SGCZ: variants seen among roughly 807,000 people sequenced by gnomAD.
SGCZ encodes the protein zeta-sarcoglycan.
SGCZ carries 40 observed loss-of-function variants against 41.3 expected under a neutral mutation model. That is an observed-to-expected ratio of 0.97 (90% confidence interval 0.75 to 1.26). The LOEUF is 1.26. SGCZ is among the 50% of genes most tolerant of loss of function. The pLI is 0.00. For synonymous variants in SGCZ, 206 were observed against 137.5 expected (o/e 1.50, Z -3.49); for missense variants, 552 against 369.8 (o/e 1.49, Z -4.04).
At chr8:15,151,408 T>A (rs1799177260) in intron 1 of SGCZ, among the ~76,000 whole-genome samples, 1 of 152,236 alleles carries the variant, frequency 6.6e-6, no homozygotes, top group Non-Finnish European at 1.5e-5. Context: ...ACATAATCCC[T>A]TATTGAAATA....
intron 1 of SGCZ, among the ~76,000 whole-genome samples, chr8:14,697,678 C>A (rs1809009259): frequency 6.6e-6 from 1 of 151,988 alleles, no homozygotes; most frequent in African/African-American, 2.4e-5. Context: ...TCCTCACCTT[C>A]TCATTGCCAA....
chr8:14,951,366 T>C (rs1029093627), intron 1 of SGCZ, among the ~76,000 whole-genome samples: 5 of 152,024 alleles, frequency 3.3e-5, no homozygotes, highest in Admixed American at 1.3e-4. Flanking sequence ...AATAACTGAA[T>C]TTAAATCACT....
At chr8:14,608,441 G>A (rs1431075229) in intron 1 of SGCZ, among the ~76,000 whole-genome samples, 2 of 149,710 alleles carry the variant, frequency 1.3e-5, no homozygotes, top group African/African-American at 4.9e-5. Flanking sequence ...ATGGCAAAGG[G>A]GCGGGGAGGC....
intron 1 of SGCZ, among the ~76,000 whole-genome samples, chr8:14,772,281 T>G (rs1023802134): frequency 6.6e-6 from 1 of 152,162 alleles, no homozygotes; most frequent in African/African-American, 2.4e-5. Context: ...TTTCAACTCA[T>G]AATGGGTTTA....
chr8:14,720,365 A>C (rs1251206888), intron 1 of SGCZ, among the ~76,000 whole-genome samples: 8 of 152,248 alleles, frequency 5.3e-5, no homozygotes, highest in Middle Eastern at 3.4e-3. Flanking sequence ...TTTAAAAACA[A>C]TAATGATAGA....
chr8:14,741,289 T>C (rs960468228), intron 1 of SGCZ, among the ~76,000 whole-genome samples: 16 of 152,044 alleles, frequency 1.1e-4, no homozygotes, highest in African/African-American at 3.4e-4. Context: ...TCTACAAAAA[T>C]TAAGCCCATC....
chr8:15,080,530 C>G (rs914589328), intron 1 of SGCZ, among the ~76,000 whole-genome samples: 3 of 152,038 alleles, frequency 2.0e-5, no homozygotes, highest in African/African-American at 7.2e-5. Flanking sequence ...GGAGATGGAG[C>G]CTTTAAAGAG....
At chr8:14,280,127 A>C (rs2117286514) in intron 3 of SGCZ, among the ~76,000 whole-genome samples, 1 of 152,124 alleles carries the variant, frequency 6.6e-6, no homozygotes, top group South Asian at 2.1e-4. Context: ...CTTTTACAGT[A>C]TAAGCAGAAA....
At chr8:15,181,008 C>T (rs1004602084) in intron 1 of SGCZ, among the ~76,000 whole-genome samples, 1 of 152,030 alleles carries the variant, frequency 6.6e-6, no homozygotes, top group African/African-American at 2.4e-5. Flanking sequence ...TACATTCATA[C>T]ACATACAAAC....
At chr8:14,697,806 C>A (rs915751080) in intron 1 of SGCZ, among the ~76,000 whole-genome samples, 8 of 151,936 alleles carry the variant, frequency 5.3e-5, no homozygotes, top group African/African-American at 1.4e-4. Flanking sequence ...ATATTGAACA[C>A]AACAGTCCAG....
At chr8:14,247,539 A>G (rs1185825592) in intron 3 of SGCZ, among the ~76,000 whole-genome samples, 2 of 152,208 alleles carry the variant, frequency 1.3e-5, no homozygotes, top group Non-Finnish European at 2.9e-5. Flanking sequence ...CTAAAAGGGA[A>G]TAGTACTATC....
chr8:14,560,905 C>G (rs1804188778), intron 1 of SGCZ, among the ~76,000 whole-genome samples: 2 of 151,988 alleles, frequency 1.3e-5, no homozygotes, highest in African/African-American at 4.8e-5. Context: ...CTATGTTTAT[C>G]TCCTCAAGAA....
chr8:14,428,101 TACACACACACACACAC>T (rs200114899), intron 2 of SGCZ, among the ~76,000 whole-genome samples: 18 of 124,446 alleles, frequency 1.4e-4, no homozygotes, highest in East Asian at 7.1e-4. Context: ...TGGTTGTATA[TACACACACACACACAC>T]ACACACACAC....
chr8:14,205,995 T>C (rs575919337), intron 4 of SGCZ, among the ~76,000 whole-genome samples: 66 of 152,270 alleles, frequency 4.3e-4, no homozygotes, highest in African/African-American at 1.5e-3. Context: ...AGAAGTTACA[T>C]AATTGATATT....
chr8:14,203,751 A>T (rs1045185379), intron 4 of SGCZ, among the ~76,000 whole-genome samples: 3 of 152,198 alleles, frequency 2.0e-5, no homozygotes, highest in African/African-American at 7.2e-5. Context: ...TCAGATAATT[A>T]AAGCAGAATG....
chr8:14,204,534 G>A (rs910102883), intron 4 of SGCZ, among the ~76,000 whole-genome samples: 2 of 152,122 alleles, frequency 1.3e-5, no homozygotes, highest in Admixed American at 6.6e-5. Context: ...AACTTGATTA[G>A]ATGAAGGAAC....
chr8:14,519,781 G>C (rs987644215), intron 2 of SGCZ, among the ~76,000 whole-genome samples: 2 of 152,016 alleles, frequency 1.3e-5, no homozygotes, highest in Non-Finnish European at 2.9e-5. Context: ...GTAATCATGA[G>C]AAAAATGTTA....
chr8:14,874,267 G>T (rs1036659592), intron 1 of SGCZ, among the ~76,000 whole-genome samples: 3 of 152,082 alleles, frequency 2.0e-5, no homozygotes, highest in Non-Finnish European at 4.4e-5. Context: ...CAATCTGACT[G>T]ATCTGCTGTA....
At chr8:14,102,677 T>C (rs1159715242) in intron 6 of SGCZ, among the ~76,000 whole-genome samples, 178 bp from the exon 7 acceptor site, 5 of 152,022 alleles carry the variant, frequency 3.3e-5, no homozygotes, top group Admixed American at 1.3e-4. Context: ...TTCAGAACAA[T>C]TTTTGATTGA....
Sources: allele counts gnomAD v4.1 joint callset (sites outside exome capture counted in the v4.1 genomes callset), GRCh38; gene constraint gnomAD v4.1.1; transcripts MANE v1.5; gene names NCBI Gene and HGNC (gene_info 2026-07-23, HGNC 2026-07-21).